PHF13: variants seen among roughly 807,000 people sequenced by gnomAD.
PHF13 encodes PHD finger protein 13.
A neutral mutation model predicts 25.8 loss-of-function variants in PHF13; 1 was observed. The observed-to-expected ratio is 0.04, with a 90% CI of 0.01 to 0.18. The LOEUF is 0.18. Among genes scored for constraint, PHF13 ranks in the 10% least tolerant of loss-of-function variants. PHF13 has a pLI of 1.00. For synonymous variants in PHF13, 195 were observed against 162.4 expected (o/e 1.20, Z -1.53); for missense variants, 306 against 403.2 (o/e 0.76, Z 2.06).
Position 6,619,893 on chromosome 1 carries a change from G to A in PHF13, c.232G>A (p.Ala78Thr), listed in dbSNP as rs758886472. ...CTGGGACGCGGGTTTCTCAGACATC[G>A]CGTCCTCAGTGCCCTTGCCAGTCTC... Reference protein sequence around the residue: ...DGWDAGFSDIASSVPLPVSDR... With the variant: ...DGWDAGFSDITSSVPLPVSDR... The change falls in exon 3 of 4, where the codon GCG (alanine) becomes ACG (threonine). Residue 78 changes from alanine (A) to threonine (T), a missense_variant. Transcript: ENST00000377648. 18 of 1,613,776 alleles carry A rather than the reference G, an allele frequency of 1.1e-5. No individual in the cohort carries two copies. Among genetic ancestry groups the A allele is most frequent in the Middle Eastern group, 1.6e-4 (1 of 6,070 alleles).
At position 6,620,146 on chromosome 1, in the gene PHF13, A is replaced by C. The variant is rs761910985; in HGVS notation, c.485A>C (p.Gln162Pro). Residue 162 changes from glutamine to proline, a missense_variant, in exon 3 of 4, where the codon CAG (glutamine) becomes CCG (proline). Gln to Pro is a moderately conservative substitution (Grantham distance 76, BLOSUM62 -1). Around this residue, in one of 5 missense-constraint regions of PHF13, gnomAD observed 186 missense variants for 164.0 expected, o/e 1.13. Coordinates refer to ENST00000377648, the MANE Select transcript of PHF13 (RefSeq NM_153812.3). Reference protein sequence around the residue: ...PTSPTLQDIPQAPSDPCSGWD... With the variant: ...PTSPTLQDIPPAPSDPCSGWD... ...AGTCCCACCTTGCAGGATATCCCCC[A>C]GGCTCCCAGCGACCCCTGCTCGGGC... 7.4e-6 allele frequency: 12 copies of C among 1,613,646 alleles called. No homozygotes were observed. The highest frequency in any genetic ancestry group is 4.0e-5 in the African/African-American group (3 of 74,884).
Position 6,620,093 on chromosome 1 carries a change from C to T in PHF13, c.432C>T (p.Ala144=), listed in dbSNP as rs369467263. ...GYRGGLLKLE[A]ADPYVETPTS... ...GGGGGGGCTTGCTGAAGCTGGAAGC[C>T]GCTGACCCCTACGTGGAGACCCCCA... Residue 144 remains alanine, a synonymous_variant, in exon 3 of 4, where the codon GCC becomes GCT. Coordinates refer to ENST00000377648, the MANE Select transcript of PHF13 (RefSeq NM_153812.3). 2.4e-5 allele frequency: 39 copies of T among 1,613,458 alleles called. No homozygotes were observed. Among genetic ancestry groups the T allele is most frequent in the Admixed American group, 5.0e-5 (3 of 59,982 alleles).
In PHF13 at chr1:6,621,224, C is replaced by T. The variant is rs1409356553; in HGVS notation, c.677-187C>T. ...GGGAAAAAAAAAAAAAAGTAAGCAT[C>T]TCCTGGGTAATACCTGGTTCCCACA... On this transcript the variant is annotated intron_variant, in intron 3 of 3. Transcript: ENST00000377648. The surrounding 1 kb of genome is among the most constrained non-coding windows in gnomAD (Gnocchi z 4.8). Among the ~76,000 whole-genome samples the T allele has an allele frequency of 2.0e-5, 3 of 151,664 alleles. No individual in the cohort carries two copies. The highest frequency in any genetic ancestry group is 2.9e-5 in the Non-Finnish European group (2 of 67,926).
rs182208081 is a variant in PHF13 at position 6,620,119 on chromosome 1, C to G, written c.458C>G (p.Thr153Arg). 1.2e-6 allele frequency: 2 copies of G among 1,613,622 alleles called. No individual in the cohort carries two copies. The highest frequency in any genetic ancestry group is 2.7e-5 in the African/African-American group (2 of 75,014). The change falls in exon 3 of 4, where the codon ACG (threonine) becomes AGG (arginine). Residue 153 changes from threonine to arginine, a missense_variant. By Grantham distance (71) the Thr-to-Arg change is moderately conservative. Around this residue, in one of 5 missense-constraint regions of PHF13, gnomAD observed 186 missense variants for 164.0 expected, o/e 1.13. Coordinates refer to ENST00000377648, the MANE Select transcript of PHF13 (RefSeq NM_153812.3). ...EAADPYVETP[T>R]SPTLQDIPQA... The stretch of plus-strand genomic sequence containing the variant: ...GCTGACCCCTACGTGGAGACCCCCA[C>G]GAGTCCCACCTTGCAGGATATCCCC...
chr1:6,614,073 T>C lies in PHF13; in HGVS notation c.7T>C (p.Ser3Pro). MD[S>P]DSCAAAFHPE... ...GCCGCCCCCCGCCCGGAACATGGAC[T>C]CTGACTCTTGCGCCGCCGCCTTCCA... The change falls in exon 1 of 4, where the codon TCT becomes CCT. Residue 3 changes from serine (S) to proline (P), a missense_variant. Around this residue, in one of 5 missense-constraint regions of PHF13, gnomAD observed 31 missense variants for 23.9 expected, o/e 1.30. Coordinates refer to ENST00000377648, the MANE Select transcript of PHF13 (RefSeq NM_153812.3). 6.3e-7 allele frequency: 1 copy of C among 1,582,858 alleles called. No homozygotes were observed.
In PHF13 at chr1:6,614,022, C is replaced by G; in HGVS notation, c.-45C>G. 6.5e-7 allele frequency: 1 copy of G among 1,530,656 alleles called. No individual in the cohort carries two copies. Among genetic ancestry groups the G allele is most frequent in the Non-Finnish European group, 8.9e-7 (1 of 1,126,306 alleles). 94.8% of individuals were successfully genotyped at this position (1,530,656 alleles called of 1,614,324 possible). A position where few individuals can be genotyped will look rare whatever the true frequency, so the allele number is the denominator to read the frequency against. On this transcript the variant is annotated 5_prime_UTR_variant, in exon 1 of 4. Transcript: ENST00000377648. ...CCCCGGGCGGCCCCGCTCCAGCATC[C>G]CAGCTCCTGCACTCTCGCAGCCGCC...
At chr1:6,620,981 A>G (rs1180942356) in intron 3 of PHF13, among the ~76,000 whole-genome samples, 3 of 151,922 alleles carry the variant, frequency 2.0e-5, no homozygotes, top group South Asian at 2.1e-4. Context: ...GCAGTGAGCC[A>G]AGATCGCGCC....
intron 1 of PHF13, among the ~76,000 whole-genome samples, chr1:6,615,056 G>A (rs1047485352): frequency 1.3e-5 from 2 of 150,806 alleles, no homozygotes; most frequent in African/African-American, 4.8e-5. Context: ...TTCGGGGGCC[G>A]AGTGTCGCGG....
chr1:6,615,996 C>G (rs1394182665), intron 1 of PHF13, among the ~76,000 whole-genome samples: 2 of 146,506 alleles, frequency 1.4e-5, no homozygotes, highest in African/African-American at 5.0e-5. Context: ...GGGTCCAGGT[C>G]TCCGAGAGCT....
intron 2 of PHF13, among the ~76,000 whole-genome samples, chr1:6,618,452 A>C (rs146465565): frequency 6.6e-6 from 1 of 152,220 alleles, no homozygotes; most frequent in African/African-American, 2.4e-5. Flanking sequence ...TTTTTTGTAG[A>C]GACAAGGTCT....
Position 6,622,614 on chromosome 1 carries a change from T to C in PHF13, c.*977T>C, listed in dbSNP as rs1208556164. On this transcript the variant is annotated 3_prime_UTR_variant, in exon 4 of 4. Transcript: ENST00000377648. The stretch of plus-strand genomic sequence containing the variant: ...GAGAGCTGGGAGGGAGCCCTCTCCG[T>C]TGGGTGACTCTTGTGTGCCCTTTAG... 6.6e-6 allele frequency: 1 copy of C among 151,540 alleles called. No individual in the cohort carries two copies. The highest frequency in any genetic ancestry group is 1.5e-5 in the Non-Finnish European group (1 of 67,958). 9.4% of individuals were successfully genotyped at this position (151,540 alleles called of 1,614,324 possible). A position where few individuals can be genotyped will look rare whatever the true frequency, so the allele number is the denominator to read the frequency against.
intron 1 of PHF13, among the ~76,000 whole-genome samples, 197 bp from the exon 2 acceptor site, chr1:6,616,560 A>C (rs1206222329): frequency 6.6e-6 from 1 of 152,200 alleles, no homozygotes; most frequent in Non-Finnish European, 1.5e-5. Context: ...TAAAGTCTTA[A>C]TACTCCTCTT....
At position 6,613,957 on chromosome 1, in the gene PHF13, CG is replaced by C. The variant is rs946477491; in HGVS notation, c.-107del. ...CACCTCCAGCCCGGGCGACCCCTCC[CG>C]GGTCCGCCCTCGCCCTGCGCAGCCG... is the stretch of plus-strand genomic sequence containing the variant. On this transcript the variant is annotated 5_prime_UTR_variant, in exon 1 of 4. Coordinates refer to ENST00000377648, the MANE Select transcript of PHF13 (RefSeq NM_153812.3). The C allele has an allele frequency of 5.7e-5, 38 of 669,284 alleles. No homozygotes were observed. The highest frequency in any genetic ancestry group is 2.1e-4 in the African/African-American group (11 of 51,278). The allele number at this position is 669,284 out of a possible 1,614,324, so 41.5% of individuals were successfully genotyped here.
Position 6,614,010 on chromosome 1 carries a change from C to T in PHF13, c.-57C>T. On this transcript the variant is annotated 5_prime_UTR_variant, in exon 1 of 4. Coordinates refer to ENST00000377648, the MANE Select transcript of PHF13 (RefSeq NM_153812.3). ...CCGAGCCCCCAGCCCCGGGCGGCCC[C>T]GCTCCAGCATCCCAGCTCCTGCACT... is the stretch of plus-strand genomic sequence containing the variant. 5 of 1,444,638 alleles carry T rather than the reference C, an allele frequency of 3.5e-6. No individual in the cohort carries two copies. Among genetic ancestry groups the T allele is most frequent in the Non-Finnish European group, 4.7e-6 (5 of 1,055,058 alleles). The allele number at this position is 1,444,638 out of a possible 1,614,324, so 89.5% of individuals were successfully genotyped here.
At chr1:6,614,301 C>G in intron 1 of PHF13, 196 bp downstream of exon 1, 1 of 537,786 alleles carries the variant, frequency 1.9e-6, no homozygotes, top group Admixed American at 3.9e-5. Context: ...GCCTCGCCTC[C>G]GCGTCCCCTC....
At chr1:6,614,219 T>A in intron 1 of PHF13, 114 bp downstream of exon 1, 1 of 820,702 alleles carries the variant, frequency 1.2e-6, no homozygotes, top group Non-Finnish European at 1.9e-6. Flanking sequence ...TCCCCCGCTT[T>A]CCCCTCGTCG....
At chr1:6,620,786 G>A (rs1404295314) in intron 3 of PHF13, among the ~76,000 whole-genome samples, 3 of 151,880 alleles carry the variant, frequency 2.0e-5, no homozygotes, top group Non-Finnish European at 2.9e-5. Flanking sequence ...TTGGGAGGCC[G>A]AGGCAGGCAG....
At chr1:6,614,837 C>A (rs993112830) in intron 1 of PHF13, among the ~76,000 whole-genome samples, 1 of 151,532 alleles carries the variant, frequency 6.6e-6, no homozygotes, top group Non-Finnish European at 1.5e-5. Flanking sequence ...GGCCTCCCCC[C>A]CGCGCGGTCC....
At position 6,613,986 on chromosome 1, in the gene PHF13, CGA is replaced by C; in HGVS notation, c.-79_-78del. The C allele has an allele frequency of 1.9e-6, 2 of 1,048,164 alleles. No individual in the cohort carries two copies. Among genetic ancestry groups the C allele is most frequent in the Admixed American group, 2.3e-5 (1 of 44,328 alleles). 64.9% of individuals were successfully genotyped at this position (1,048,164 alleles called of 1,614,324 possible). A position where few individuals can be genotyped will look rare whatever the true frequency, so the allele number is the denominator to read the frequency against. On this transcript the variant is annotated 5_prime_UTR_variant, in exon 1 of 4. Coordinates refer to ENST00000377648, the MANE Select transcript of PHF13 (RefSeq NM_153812.3). ...TCCGCCCTCGCCCTGCGCAGCCGCC[CGA>C]GCCCCCAGCCCCGGGCGGCCCCGCT...
Sources: gnomAD v4.1 joint callset for allele counts (sites outside exome capture counted in the v4.1 genomes callset) on GRCh38, gnomAD v4.1.1 for gene constraint, gnomAD v4.1.1 regional missense constraint, Gnocchi (gnomAD v3.1) non-coding constraint, MANE v1.5 for transcripts, NCBI Gene and HGNC (gene_info 2026-07-23, HGNC 2026-07-21) for gene names.